The following CCDC40 variants were observed in gnomAD, a reference collection of about 807,000 sequenced individuals.
The protein encoded by CCDC40 is coiled-coil domain 40 molecular ruler complex subunit.
A neutral mutation model predicts 124.5 loss-of-function variants in CCDC40; 104 were observed. The observed-to-expected ratio is 0.84, with a 90% confidence interval of 0.71 to 0.98. The LOEUF (loss-of-function observed/expected upper bound fraction) is 0.98. Among genes scored for constraint, CCDC40 ranks in the 50% least tolerant of loss-of-function variants. The pLI is 0.00. For missense variants in CCDC40, 1,463 were observed against 1,503.9 expected (o/e 0.97, Z 0.45); for synonymous variants, 580 against 602.9 (o/e 0.96, Z 0.56).
At position 80,054,781 on chromosome 17, in the gene CCDC40, C is replaced by T. The variant is rs557201351; in HGVS notation, c.1160-3713C>T. On this transcript the variant is annotated intron_variant, in intron 7 of 19. Transcript: ENST00000397545. ...CTGAGGTCAGGAGTTCGAGACCAGC[C>T]TGGCCAACGTGGTGAAACCCTGTTT... Among the ~76,000 whole-genome samples, 8 of 152,192 alleles carry T rather than the reference C, an allele frequency of 5.3e-5. No homozygotes were observed. In the South Asian group the frequency reaches 1.7e-3, roughly 32 times the overall value.
chr17:80,087,432 C>A lies in CCDC40; in HGVS notation c.2450-175C>A, dbSNP rs2038609432. ...AAGAGACCCCCTGTCCTCTCCTCTCCTCTGTCCTGGCAGGGACGAGATTCA... is the reference window on the plus strand; with the variant it reads ...AAGAGACCCCCTGTCCTCTCCTCTCATCTGTCCTGGCAGGGACGAGATTCA... On this transcript the variant is annotated intron_variant, in intron 14 of 19. Coordinates refer to ENST00000397545, the MANE Select transcript of CCDC40 (RefSeq NM_017950.4). The surrounding 1 kb of genome is among the most constrained non-coding windows in gnomAD (Gnocchi z 4.5). 2 of 674,818 alleles carry A rather than the reference C, an allele frequency of 3.0e-6. No individual in the cohort carries two copies. Among genetic ancestry groups the A allele is most frequent in the African/African-American group, 1.8e-5 (1 of 56,196 alleles). The allele number at this position is 674,818 out of a possible 1,614,324, so 41.8% of individuals were successfully genotyped here.
rs567348787 is a variant in CCDC40 at position 80,061,911 on chromosome 17, G to A, written c.1440+2931G>A. Reference sequence around the variant, plus strand: ...GTTAGTGCTTAGACTCCATTCCAAGGAACCTAGCAAAGACCTATGCAGATA... The same window carrying A: ...GTTAGTGCTTAGACTCCATTCCAAGAAACCTAGCAAAGACCTATGCAGATA... On this transcript the variant is annotated intron_variant, in intron 9 of 19. Coordinates refer to ENST00000397545, the MANE Select transcript of CCDC40 (RefSeq NM_017950.4). 3.0e-4 allele frequency among the ~76,000 whole-genome samples: 44 copies of A among 144,440 alleles called. No individual in the cohort carries two copies. The South Asian group carries it at 8.7e-3, about 29-fold the overall frequency. The allele number at this position is 144,440 out of a possible 152,430, so 94.8% of individuals were successfully genotyped here.
At chr17:80,044,112 A>G (rs1409437506) in intron 3 of CCDC40, among the ~76,000 whole-genome samples, 2 of 152,186 alleles carry the variant, frequency 1.3e-5, no homozygotes, top group South Asian at 2.1e-4. Context: ...GGTAGGAACT[A>G]TGATTGTGCC....
At chr17:80,082,904 T>G (rs1244603155) in intron 12 of CCDC40, among the ~76,000 whole-genome samples, 3 of 152,318 alleles carry the variant, frequency 2.0e-5, no homozygotes, top group Non-Finnish European at 2.9e-5. Flanking sequence ...CCGATGCCAG[T>G]CCAGCTGCTG....
intron 7 of CCDC40, among the ~76,000 whole-genome samples, chr17:80,051,983 C>T (rs9905131): frequency 0.067 from 9,458 of 140,268 alleles, 921 homozygotes; most frequent in African/African-American, 0.21. Context: ...GCAAGGCCTG[C>T]GTCAAACAGC....
chr17:80,085,013 G>A, intron 13 of CCDC40, 25 bp downstream of exon 13: 5 of 1,611,648 alleles, frequency 3.1e-6, no homozygotes, highest in Non-Finnish European at 4.2e-6. Context: ...AGGGAGACGT[G>A]GTCCCCGGCT....
At chr17:80,050,957 C>T (rs1834694647) in intron 7 of CCDC40, among the ~76,000 whole-genome samples, 1 of 152,162 alleles carries the variant, frequency 6.6e-6, no homozygotes, top group South Asian at 2.1e-4. Flanking sequence ...GACCATGGCC[C>T]AGGGCCTGAC....
intron 16 of CCDC40, 194 bp downstream of exon 16, chr17:80,088,296 G>C (rs1006936373): frequency 2.0e-5 from 13 of 635,274 alleles, no homozygotes; most frequent in East Asian, 1.1e-4. Flanking sequence ...CTATCCCACA[G>C]GCTGGAGTGC....
At position 80,081,858 on chromosome 17, in the gene CCDC40, G is replaced by C; in HGVS notation, c.1807-18G>C. On this transcript the variant is annotated intron_variant, in intron 11 of 19. Coordinates refer to ENST00000397545, the MANE Select transcript of CCDC40 (RefSeq NM_017950.4). ...GTGCCTCTTCAGGCACGTGCACCCT[G>C]TGGCTCCTTGTCTCCAGGAACAAAT... 1 of 1,614,102 alleles carries C rather than the reference G, an allele frequency of 6.2e-7. No individual in the cohort carries two copies. The highest frequency in any genetic ancestry group is 8.5e-7 in the Non-Finnish European group (1 of 1,180,018).
At chr17:80,088,244 T>C in intron 16 of CCDC40, 142 bp downstream of exon 16, 1 of 719,860 alleles carries the variant, frequency 1.4e-6, no homozygotes, top group Non-Finnish European at 2.6e-6. Flanking sequence ...GTTGTTGTTT[T>C]GTTTTTTGTT....
Position 80,099,596 on chromosome 17 carries a change from G to C in CCDC40, c.3250G>C (p.Val1084Leu), listed in dbSNP as rs546314844. 1 of 1,613,646 alleles carries C rather than the reference G, an allele frequency of 6.2e-7. No individual in the cohort carries two copies. The highest frequency in any genetic ancestry group is 8.5e-7 in the Non-Finnish European group (1 of 1,180,004). Residue 1084 changes from valine to leucine, a missense_variant, in exon 20 of 20, where the codon GTG becomes CTG. Physicochemically the swap from Val to Leu is conservative, Grantham distance 32. Transcript: ENST00000397545. ...HLQAVKEGRYVFLFRSKQSLV... is the reference protein window; with the variant it reads ...HLQAVKEGRYLFLFRSKQSLV... ...GCAGGCTGTGAAGGAGGGGCGCTAC[G>C]TGTTCCTGTTCCGCTCCAAGCAGTC...
rs1567813815 is a variant in CCDC40, at chr17:80,090,321, ACGCGCGCAGGCACGTGCACGAACAAG to A, written c.2832+438_2832+463del. On this transcript the variant is annotated intron_variant, in intron 17 of 19. Coordinates refer to ENST00000397545, the MANE Select transcript of CCDC40 (RefSeq NM_017950.4). The stretch of plus-strand genomic sequence containing the variant: ...CAGGCACGTGCACGAACAACACGGG[ACGCGCGCAGGCACGTGCACGAACAAG>A]GGACGCGCGCAGGCACGTGCACGAA... 1.7e-5 allele frequency: 11 copies of A among 663,248 alleles called. 1 individual carries two copies. Among genetic ancestry groups the A allele is most frequent in the South Asian group, 1.0e-4 (4 of 38,908 alleles). The allele number at this position is 663,248 out of a possible 1,614,324, so 41.1% of individuals were successfully genotyped here.
At chr17:80,080,263 G>A (rs962388999) in intron 10 of CCDC40, among the ~76,000 whole-genome samples, 1 of 151,708 alleles carries the variant, frequency 6.6e-6, no homozygotes, top group Admixed American at 6.6e-5. Flanking sequence ...AGAATAATAG[G>A]AAAACATGCC....
Position 80,058,400 on chromosome 17 carries a change from T to C in CCDC40, c.1160-94T>C, listed in dbSNP as rs1598499520. On this transcript the variant is annotated intron_variant, in intron 7 of 19. Transcript: ENST00000397545. This position sits in a 1 kb window ranked among gnomAD's most constrained non-coding sequence, Gnocchi z 4.2. ...TGGCAGGAAGGGTGCCCAGAACGGC[T>C]GTTCCCTGCTTCCTCCTGGGTCTCT... 4.2e-6 allele frequency: 5 copies of C among 1,183,184 alleles called. No homozygotes were observed. Among genetic ancestry groups the C allele is most frequent in the Admixed American group, 3.5e-5 (2 of 57,816 alleles). 73.3% of individuals were successfully genotyped at this position (1,183,184 alleles called of 1,614,324 possible). A position where few individuals can be genotyped will look rare whatever the true frequency, so the allele number is the denominator to read the frequency against.
chr17:80,051,651 A>AG (rs2037599650), intron 7 of CCDC40, among the ~76,000 whole-genome samples: 3 of 146,862 alleles, frequency 2.0e-5, no homozygotes, highest in African/African-American at 7.8e-5. Context: ...AAAAAAAAAA[A>AG]AAAGAAAAAA....
chr17:80,056,040 CAG>C (rs1315766013), intron 7 of CCDC40, among the ~76,000 whole-genome samples: 2 of 32,460 alleles, frequency 6.2e-5, no homozygotes, highest in African/African-American at 1.1e-4. Context: ...TTGGTAGAAA[CAG>C]GGTCTTACTG....
chr17:80,076,848 G>A (rs973267072), intron 10 of CCDC40, among the ~76,000 whole-genome samples: 56 of 151,784 alleles, frequency 3.7e-4, no homozygotes, highest in South Asian at 6.2e-4. Context: ...TGGGTTCAAG[G>A]GATTCTCCTA....
intron 4 of CCDC40, 36 bp downstream of exon 4, chr17:80,047,438 G>A (rs182776799): frequency 9.4e-6 from 15 of 1,597,832 alleles, no homozygotes; most frequent in Middle Eastern, 1.9e-4. Flanking sequence ...CTGCCCTGGC[G>A]ATGAGCCACC....
intron 17 of CCDC40, chr17:80,090,637 G>GAGC: frequency 3.4e-6 from 5 of 1,453,396 alleles, no homozygotes; most frequent in Non-Finnish European, 4.5e-6. Flanking sequence ...AGGGCTCAGA[G>GAGC]AGCACCCCCA....
Sources: gnomAD v4.1 joint callset for allele counts (sites outside exome capture counted in the v4.1 genomes callset) on GRCh38, gnomAD v4.1.1 for gene constraint, Gnocchi (gnomAD v3.1) non-coding constraint, MANE v1.5 for transcripts, NCBI Gene and HGNC (gene_info 2026-07-23, HGNC 2026-07-21) for gene names.